The following DDHD1 variants were observed in gnomAD, a reference collection of about 807,000 sequenced individuals.
DDHD1 encodes the protein phospholipase DDHD1.
In DDHD1, 49 loss-of-function variants were observed where a neutral mutation model predicts 96.4. The observed-to-expected ratio is 0.51, with a 90% CI of 0.40 to 0.64. DDHD1 has a LOEUF of 0.64. Ranked by LOEUF, DDHD1 falls within the 30% of genes least tolerant of loss-of-function variation. DDHD1 has a pLI of 0.00. For synonymous variants in DDHD1, 442 were observed against 446.5 expected, an observed-to-expected ratio of 0.99 and a Z score of 0.13; for missense variants, 1,106 against 1,161.2, an observed-to-expected ratio of 0.95 and a Z score of 0.69.
intron 1 of DDHD1, among the ~76,000 whole-genome samples, chr14:53,109,172 TC>T (rs34662376): frequency 0.034 from 5,102 of 152,198 alleles, 295 homozygotes; most frequent in African/African-American, 0.11. Flanking sequence ...CCCACTTCCT[TC>T]CTTTCCTCTT....
chr14:53,127,927 T>C (rs895126958), intron 1 of DDHD1, among the ~76,000 whole-genome samples: 1 of 152,264 alleles, frequency 6.6e-6, no homozygotes, highest in Non-Finnish European at 1.5e-5. Context: ...AAATCTCATC[T>C]TGAACTGTAA....
chr14:53,060,714 T>G (rs544201264), intron 8 of DDHD1, among the ~76,000 whole-genome samples: 17 of 152,234 alleles, frequency 1.1e-4, no homozygotes, highest in Non-Finnish European at 2.1e-4. Context: ...TTGAGGTATA[T>G]GAAGTTACAG....
chr14:53,152,912 G>T lies in DDHD1; in HGVS notation c.187C>A (p.Pro63Thr), dbSNP rs751194687. ...GTGCCCGGCGCCAAATGCAGCCCGG[G>T]TTCCCCGCGCAGCAGGGCCAGGGGC... ...DVPLALLRGEPGLHLAPGTDD... is the reference protein window; with the variant it reads ...DVPLALLRGETGLHLAPGTDD... The change falls in exon 1 of 13, where the codon CCC becomes ACC. Residue 63 changes from proline (P) to threonine (T), a missense_variant. Pro to Thr is a conservative substitution (Grantham distance 38). This residue lies in a region of DDHD1 where 456 missense variants were observed against 402.4 expected (regional missense o/e 1.13). Transcript: ENST00000673822. The T allele has an allele frequency of 2.5e-6, 4 of 1,608,062 alleles. No individual in the cohort carries two copies. The highest frequency in any genetic ancestry group is 1.1e-5 in the South Asian group (1 of 90,524).
intron 4 of DDHD1, among the ~76,000 whole-genome samples, chr14:53,090,102 A>T (rs1374684031): frequency 6.6e-6 from 1 of 152,226 alleles, no homozygotes; most frequent in Non-Finnish European, 1.5e-5. Flanking sequence ...ACATTTATGC[A>T]GCCAACAGAC....
chr14:53,148,744 G>T (rs1294845045), intron 1 of DDHD1, among the ~76,000 whole-genome samples: 1 of 152,156 alleles, frequency 6.6e-6, no homozygotes, highest in African/African-American at 2.4e-5. Context: ...CACCTCTGAT[G>T]AGGTACTGAG....
At chr14:53,142,130 C>T (rs1338432301) in intron 1 of DDHD1, among the ~76,000 whole-genome samples, 1 of 152,094 alleles carries the variant, frequency 6.6e-6, no homozygotes, top group Non-Finnish European at 1.5e-5. Flanking sequence ...ATAAATTAGG[C>T]CACAGAGATT....
rs146473667 is a variant in DDHD1 at position 53,063,174 on chromosome 14, C to T, written c.1535G>A (p.Arg512Gln). 25 of 1,613,642 alleles carry T rather than the reference C, an allele frequency of 1.5e-5. No individual in the cohort carries two copies. The highest frequency in any genetic ancestry group is 1.9e-5 in the Non-Finnish European group (23 of 1,179,966). Residue 512 changes from arginine (R) to glutamine (Q), a missense_variant, in exon 7 of 13, where the codon CGA becomes CAA. This residue lies in a region of DDHD1 where 650 missense variants were observed against 758.8 expected (regional missense o/e 0.86). Transcript: ENST00000673822. ...CCGAGAACAGAAAAGGGAATACAAT[C>T]GATTCAGCTCTTGCTGAAGGCCTTT... is the stretch of plus-strand genomic sequence containing the variant. Reference protein sequence around the residue: ...LVKGLQQELNRLYSLFCSRNP... With the variant: ...LVKGLQQELNQLYSLFCSRNP...
At chr14:53,083,175 C>CG (rs1885642112) in intron 4 of DDHD1, among the ~76,000 whole-genome samples, 1 of 151,586 alleles carries the variant, frequency 6.6e-6, no homozygotes, top group African/African-American at 2.4e-5. Flanking sequence ...TCTGTACTTA[C>CG]GGGTTTATGC....
At chr14:53,095,451 C>T (rs1886811726) in intron 2 of DDHD1, among the ~76,000 whole-genome samples, 1 of 152,054 alleles carries the variant, frequency 6.6e-6, no homozygotes, top group Non-Finnish European at 1.5e-5. Context: ...AAACCTATTC[C>T]CCACTAGGAT....
At chr14:53,151,072 A>C (rs766413436) in intron 1 of DDHD1, among the ~76,000 whole-genome samples, 2 of 152,236 alleles carry the variant, frequency 1.3e-5, no homozygotes, top group African/African-American at 4.8e-5. Context: ...GAATGTTTTA[A>C]CATTATCAGA....
intron 1 of DDHD1, among the ~76,000 whole-genome samples, chr14:53,106,002 T>C (rs978709915): frequency 6.6e-6 from 1 of 151,862 alleles, no homozygotes; most frequent in Non-Finnish European, 1.5e-5. Context: ...GTGTGTGTTT[T>C]AGAGTAACCC....
At chr14:53,116,772 G>A (rs1888572079) in intron 1 of DDHD1, among the ~76,000 whole-genome samples, 1 of 152,158 alleles carries the variant, frequency 6.6e-6, no homozygotes, top group Non-Finnish European at 1.5e-5. Context: ...CAGAAAGCAA[G>A]AAAGACAGAA....
Position 53,073,836 on chromosome 14 carries a change from G to C in DDHD1, c.1301C>G (p.Ala434Gly). The change falls in exon 5 of 13, where the codon GCT becomes GGT. Residue 434 changes from alanine (A) to glycine (G), a missense_variant. Coordinates refer to ENST00000673822, the MANE Select transcript of DDHD1 (RefSeq NM_001160148.2). The stretch of plus-strand genomic sequence containing the variant: ...ATGCCTTTCTTCTATTTTTCTTGCA[G>C]CTTCTCTCATCCTAAAAAAACAAAC... Reference protein sequence around the residue: ...IIKNTAMMREAARKIEERHFS... With the variant: ...IIKNTAMMREGARKIEERHFS... 5 of 1,609,926 alleles carry C rather than the reference G, an allele frequency of 3.1e-6. No homozygotes were observed. The highest frequency in any genetic ancestry group is 4.2e-6 in the Non-Finnish European group (5 of 1,177,868).
intron 4 of DDHD1, among the ~76,000 whole-genome samples, chr14:53,079,611 TCTC>T (rs1885279257): frequency 6.6e-6 from 1 of 152,228 alleles, no homozygotes; most frequent in Non-Finnish European, 1.5e-5. Flanking sequence ...GGTAGTAATG[TCTC>T]CTCCTTTATT....
intron 2 of DDHD1, among the ~76,000 whole-genome samples, chr14:53,097,785 A>G (rs561572788): frequency 7.2e-5 from 11 of 152,152 alleles, no homozygotes; most frequent in Middle Eastern, 3.4e-3. Context: ...AGATACACAA[A>G]TGAAGGCTTT....
At chr14:53,096,667 T>C (rs1398780961) in intron 2 of DDHD1, among the ~76,000 whole-genome samples, 3 of 152,026 alleles carry the variant, frequency 2.0e-5, no homozygotes, top group East Asian at 3.9e-4. Flanking sequence ...CCTGAGAAGA[T>C]ACCACAGCAT....
intron 4 of DDHD1, among the ~76,000 whole-genome samples, chr14:53,077,940 G>A (rs1271220266): frequency 6.6e-6 from 1 of 151,984 alleles, no homozygotes; most frequent in African/African-American, 2.4e-5. Context: ...TCTCATCCAT[G>A]TTGCATCATA....
intron 1 of DDHD1, among the ~76,000 whole-genome samples, chr14:53,118,072 T>A (rs1379560500): frequency 1.3e-5 from 2 of 152,084 alleles, no homozygotes; most frequent in Non-Finnish European, 2.9e-5. Context: ...CTGAGGGACC[T>A]GACTGTCAGA....
chr14:53,111,412 C>T (rs10137145), intron 1 of DDHD1, among the ~76,000 whole-genome samples: 4,693 of 151,834 alleles, frequency 0.031, 236 homozygotes, highest in African/African-American at 0.11. Flanking sequence ...GTAGCTAGGA[C>T]TGGGTAGCTA....
Sources: gnomAD v4.1 joint callset for allele counts (sites outside exome capture counted in the v4.1 genomes callset) on GRCh38, gnomAD v4.1.1 for gene constraint, gnomAD v4.1.1 regional missense constraint, MANE v1.5 for transcripts, NCBI Gene and HGNC (gene_info 2026-07-23, HGNC 2026-07-21) for gene names.